The following IDNK variants were observed in gnomAD, a reference collection of about 807,000 sequenced individuals.
IDNK encodes gluconokinase.
A neutral mutation model predicts 13.0 loss-of-function variants in IDNK; 9 were observed. That is an observed-to-expected ratio of 0.69 (90% confidence interval 0.42 to 1.21). The LOEUF is 1.21. Among genes scored for constraint, IDNK ranks in the 50% most tolerant of loss-of-function variants. IDNK has a pLI of 0.00. For missense variants in IDNK, 210 were observed against 237.8 expected, an observed-to-expected ratio of 0.88 and a Z score of 0.77; for synonymous variants, 92 against 94.9, an observed-to-expected ratio of 0.97 and a Z score of 0.18.
chr9:83,641,071 C>A (rs1019665833), intron 3 of IDNK, among the ~76,000 whole-genome samples: 11 of 152,196 alleles, frequency 7.2e-5, no homozygotes, highest in Non-Finnish European at 1.5e-4. Flanking sequence ...TAAATTTCAT[C>A]TGTCTTCTCT....
chr9:83,637,752 T>TCTTAC (rs1831202992), intron 3 of IDNK, among the ~76,000 whole-genome samples: 1 of 152,230 alleles, frequency 6.6e-6, no homozygotes, highest in East Asian at 1.9e-4. Flanking sequence ...GATAAGATTG[T>TCTTAC]AAGCCTGTAT....
chr9:83,623,456 G>A (rs1830759850), intron 1 of IDNK: 3 of 510,918 alleles, frequency 5.9e-6, no homozygotes, highest in Middle Eastern at 2.9e-4. Context: ...TCTAAGACGG[G>A]GAGGCTGCGG....
intron 1 of IDNK, chr9:83,626,446 T>A (rs766118006): frequency 9.5e-6 from 3 of 316,026 alleles, no homozygotes; most frequent in South Asian, 7.1e-5. Flanking sequence ...AGACAGACTC[T>A]CACTCTGTCG....
chr9:83,631,174 T>C (rs2131623852), intron 3 of IDNK, among the ~76,000 whole-genome samples: 1 of 151,388 alleles, frequency 6.6e-6, no homozygotes, highest in East Asian at 2.0e-4. Flanking sequence ...AAGCCCCCTG[T>C]GAATGGATTA....
chr9:83,628,843 C>A, intron 2 of IDNK, 30 bp from the exon 3 acceptor site: 2 of 1,519,792 alleles, frequency 1.3e-6, no homozygotes, highest in Non-Finnish European at 1.8e-6. Context: ...ATCTGCCTGC[C>A]ACATACACCC....
In IDNK at chr9:83,641,571, C is replaced by T. The variant is rs1244943687; in HGVS notation, c.192C>T (p.Asn64=). Residue 64 remains asparagine (N), a synonymous_variant, in exon 4 of 5, where the codon AAC becomes AAT. Coordinates refer to ENST00000376419, the MANE Select transcript of IDNK (RefSeq NM_001001551.4). ...AGGACCGGATTCCATGGCTCTGTAA[C>T]TTGCATGACATTTTACTAAGGTAAG... ...NDQDRIPWLC[N]LHDILLRDVA... is the part of the protein sequence containing the mutation. 6.2e-7 allele frequency: 1 copy of T among 1,613,922 alleles called. No homozygotes were observed. Among genetic ancestry groups the T allele is most frequent in the Admixed American group, 1.7e-5 (1 of 60,002 alleles).
At chr9:83,641,518 T>C in intron 3 of IDNK, 30 bp from the exon 4 acceptor site, 2 of 1,613,038 alleles carry the variant, frequency 1.2e-6, no homozygotes, top group Non-Finnish European at 1.7e-6. Context: ...AGTCACGTTG[T>C]GTCTGGGTTT....
At chr9:83,626,250 T>C (rs990796750) in intron 1 of IDNK, among the ~76,000 whole-genome samples, 5 of 152,172 alleles carry the variant, frequency 3.3e-5, no homozygotes, top group African/African-American at 1.2e-4. Context: ...TGCCAGGGTC[T>C]TTGGTGCATA....
At chr9:83,636,705 G>A (rs1448737001) in intron 3 of IDNK, among the ~76,000 whole-genome samples, 2 of 152,094 alleles carry the variant, frequency 1.3e-5, no homozygotes, top group Non-Finnish European at 2.9e-5. Flanking sequence ...AAGACAGAAG[G>A]GCAGACTGTC....
intron 3 of IDNK, among the ~76,000 whole-genome samples, chr9:83,635,692 G>A (rs1398041712): frequency 2.0e-5 from 3 of 152,216 alleles, no homozygotes; most frequent in African/African-American, 4.8e-5. Context: ...TTAACCCTTA[G>A]AGAACAATCT....
chr9:83,626,678 A>G, intron 1 of IDNK: 1 of 1,270,676 alleles, frequency 7.9e-7, no homozygotes, highest in African/African-American at 1.5e-5. Context: ...CAGCCTCCCA[A>G]AGTGCTGGGA....
chr9:83,628,022 A>G (rs899545022), intron 1 of IDNK, 159 bp from the exon 2 acceptor site: 1 of 1,452,192 alleles, frequency 6.9e-7, no homozygotes, highest in Non-Finnish European at 9.1e-7. Context: ...GCCAGTCTCC[A>G]GACTCCACGG....
At chr9:83,630,519 G>T (rs1564146062) in intron 3 of IDNK, among the ~76,000 whole-genome samples, 2 of 152,098 alleles carry the variant, frequency 1.3e-5, no homozygotes, top group South Asian at 4.1e-4. Context: ...TTGGATTCTT[G>T]GAAGTATTAA....
Position 83,643,729 on chromosome 9 carries a change from A to C in IDNK, c.513A>C (p.Lys171Asn), listed in dbSNP as rs761651473. The change falls in exon 5 of 5, where the codon AAA (lysine) becomes AAC (asparagine). Residue 171 changes from lysine to asparagine, a missense_variant. Lys to Asn is a moderately conservative substitution (Grantham distance 94). Coordinates refer to ENST00000376419, the MANE Select transcript of IDNK (RefSeq NM_001001551.4). ...PENFIQISVD[K>N]NVSEIIATIM... is the part of the protein sequence containing the mutation. ...ACTTTATCCAAATAAGTGTGGACAA[A>C]AATGTTTCAGAGATAATTGCTACAA... The C allele has an allele frequency of 3.1e-6, 5 of 1,613,188 alleles. No individual in the cohort carries two copies. In the East Asian group the frequency reaches 1.1e-4, roughly 36 times the overall value.
At chr9:83,631,693 C>T (rs1421390260) in intron 3 of IDNK, among the ~76,000 whole-genome samples, 2 of 152,042 alleles carry the variant, frequency 1.3e-5, no homozygotes, top group Non-Finnish European at 1.5e-5. Context: ...GTCAAAAGCT[C>T]AGTAGCCATG....
At chr9:83,623,570 T>C (rs2131614001) in intron 1 of IDNK, 1 of 282,932 alleles carries the variant, frequency 3.5e-6, no homozygotes. Context: ...GGGCGCCTTG[T>C]CGGGGCCAGG....
At chr9:83,631,313 T>G (rs997226981) in intron 3 of IDNK, among the ~76,000 whole-genome samples, 1 of 151,942 alleles carries the variant, frequency 6.6e-6, no homozygotes, top group Admixed American at 6.6e-5. Context: ...AAGGGCTCCC[T>G]AAGGCTATTT....
At chr9:83,624,605 A>T (rs1327369190) in intron 1 of IDNK, among the ~76,000 whole-genome samples, 2 of 152,024 alleles carry the variant, frequency 1.3e-5, no homozygotes, top group Non-Finnish European at 2.9e-5. Context: ...TTCAGCAAAG[A>T]CCTGCAAGAC....
At chr9:83,624,288 T>A (rs571405697) in intron 1 of IDNK, among the ~76,000 whole-genome samples, 93 of 152,322 alleles carry the variant, frequency 6.1e-4, no homozygotes, top group African/African-American at 2.2e-3. Context: ...TCTGGCTGTG[T>A]GAGCCTGGGC....
Sources: gnomAD v4.1 joint callset for allele counts (sites outside exome capture counted in the v4.1 genomes callset) on GRCh38, gnomAD v4.1.1 for gene constraint, MANE v1.5 for transcripts, NCBI Gene and HGNC (gene_info 2026-07-23, HGNC 2026-07-21) for gene names.